Variants in SYCN observed in about 807,000 individuals in gnomAD.
SYCN encodes the protein syncollin.
In SYCN, 16 loss-of-function variants were observed where a neutral mutation model predicts 12.6. The ratio of observed to expected loss-of-function variants is 1.27; its 90% CI spans 0.86 to 1.92. The LOEUF (loss-of-function observed/expected upper bound fraction) is 1.92. SYCN is among the 30% of genes most tolerant of loss of function. SYCN has a pLI of 0.00. For missense variants in SYCN, 226 were observed against 181.8 expected (o/e 1.24, Z -1.40); for synonymous variants, 97 against 88.4 (o/e 1.10, Z -0.55).
chr19:39,203,079 G>A (rs2074795297), intron 1 of SYCN, 83 bp from the exon 2 acceptor site: 3 of 1,456,782 alleles, frequency 2.1e-6, no homozygotes, highest in South Asian at 1.2e-5. Flanking sequence ...ACTGGGTGGG[G>A]GCTGGGGAGT....
At chr19:39,203,077 G>A in intron 1 of SYCN, 81 bp from the exon 2 acceptor site, 1 of 1,469,924 alleles carries the variant, frequency 6.8e-7, no homozygotes, top group Non-Finnish European at 9.3e-7. Context: ...AGACTGGGTG[G>A]GGGCTGGGGA....
At position 39,203,918 on chromosome 19, in the gene SYCN, C is replaced by T; in HGVS notation, c.337G>A (p.Glu113Lys). 1 of 1,611,876 alleles carries T rather than the reference C, an allele frequency of 6.2e-7. No homozygotes were observed. The highest frequency in any genetic ancestry group is 8.5e-7 in the Non-Finnish European group (1 of 1,179,056). The change falls in exon 1 of 2, where the codon GAG becomes AAG. Residue 113 changes from glutamate (E) to lysine (K), a missense_variant. Coordinates refer to ENST00000318438, the MANE Select transcript of SYCN (RefSeq NM_001080468.4). ...FSAGTYPRLE[E>K]YRRGILGDWS... is the part of the protein sequence containing the mutation. ...TCTCCTAAGATGCCCCGGCGGTACT[C>T]CTCCAGGCGCGGGTAGGTGCCGGCA...
Position 39,203,963 on chromosome 19 carries a change from C to G in SYCN, c.292G>C (p.Gly98Arg). 1.2e-6 allele frequency: 2 copies of G among 1,609,338 alleles called. No homozygotes were observed. The highest frequency in any genetic ancestry group is 1.7e-6 in the Non-Finnish European group (2 of 1,178,086). The change falls in exon 1 of 2, where the codon GGC becomes CGC. Residue 98 changes from glycine (G) to arginine (R), a missense_variant. Coordinates refer to ENST00000318438, the MANE Select transcript of SYCN (RefSeq NM_001080468.4). The part of the protein sequence containing the change: ...LTVWSRQGKA[G>R]KTHKFSAGTY... Reference sequence around the variant, plus strand: ...CCGGCAGAGAACTTGTGCGTCTTGCCCGCCTTGCCTTGCCGGGACCACACG... The same window carrying G: ...CCGGCAGAGAACTTGTGCGTCTTGCGCGCCTTGCCTTGCCGGGACCACACG...
At chr19:39,203,797 G>C (rs1184305639) in intron 1 of SYCN, 63 bp downstream of exon 1, 10 of 1,508,360 alleles carry the variant, frequency 6.6e-6, no homozygotes, top group African/African-American at 4.2e-5. Flanking sequence ...GGTGGGTGTG[G>C]GGGCTTATGC....
In SYCN at chr19:39,203,972, C is replaced by T. The variant is rs2074799522; in HGVS notation, c.283G>A (p.Gly95Ser). 6.2e-7 allele frequency: 1 copy of T among 1,609,526 alleles called. No individual in the cohort carries two copies. Among genetic ancestry groups the T allele is most frequent in the Admixed American group, 1.7e-5 (1 of 59,226 alleles). ...RCELTVWSRQ[G>S]KAGKTHKFSA... ...AACTTGTGCGTCTTGCCCGCCTTGC[C>T]TTGCCGGGACCACACGGTGAGCTCG... Residue 95 changes from glycine (G) to serine (S), a missense_variant, in exon 1 of 2, where the codon GGC becomes AGC. Transcript: ENST00000318438.
intron 1 of SYCN, 44 bp downstream of exon 1, chr19:39,203,816 G>A: frequency 6.5e-7 from 1 of 1,541,502 alleles, no homozygotes; most frequent in Non-Finnish European, 8.8e-7. Context: ...GCGGAGCTGG[G>A]GCCTGGGCCT....
chr19:39,203,517 C>T (rs920639307), intron 1 of SYCN, among the ~76,000 whole-genome samples: 1 of 151,914 alleles, frequency 6.6e-6, no homozygotes, highest in South Asian at 2.1e-4. Context: ...CCAGCCCTCT[C>T]TGGGAAGTAC....
At chr19:39,203,091 T>C in intron 1 of SYCN, 95 bp from the exon 2 acceptor site, 2 of 1,345,768 alleles carry the variant, frequency 1.5e-6, no homozygotes, top group Non-Finnish European at 2.1e-6. Context: ...CTGGGGAGTC[T>C]GGGTCTGAGG....
rs1319086833 is a variant in SYCN at position 39,203,928 on chromosome 19, C to A, written c.327G>T (p.Pro109=). ...TGCCCCGGCGGTACTCCTCCAGGCGCGGGTAGGTGCCGGCAGAGAACTTGT... is the reference window on the plus strand; with the variant it reads ...TGCCCCGGCGGTACTCCTCCAGGCGAGGGTAGGTGCCGGCAGAGAACTTGT... The part of the protein sequence containing the change: ...KTHKFSAGTY[P]RLEEYRRGIL... The change falls in exon 1 of 2, where the codon CCG becomes CCT. Residue 109 remains proline, a synonymous_variant. Transcript: ENST00000318438. 13 of 1,611,120 alleles carry A rather than the reference C, an allele frequency of 8.1e-6. No homozygotes were observed. The East Asian group carries it at 2.9e-4, about 36-fold the overall frequency.
At position 39,204,026 on chromosome 19, in the gene SYCN, C is replaced by T. The variant is rs1371324343; in HGVS notation, c.229G>A (p.Ala77Thr). ...PYLPSNWANT[A>T]SSLVVAPRCE... ...CGCGGGGCCACCACAAGTGAGGAGGCGGTGTTGGCCCAGTTGGAGGGCAGG... is the reference window on the plus strand; with the variant it reads ...CGCGGGGCCACCACAAGTGAGGAGGTGGTGTTGGCCCAGTTGGAGGGCAGG... Residue 77 changes from alanine (A) to threonine (T), a missense_variant, in exon 1 of 2, where the codon GCC becomes ACC. Physicochemically the swap from Ala to Thr is moderately conservative, Grantham distance 58. Coordinates refer to ENST00000318438, the MANE Select transcript of SYCN (RefSeq NM_001080468.4). 2 of 1,611,838 alleles carry T rather than the reference C, an allele frequency of 1.2e-6. No homozygotes were observed.
chr19:39,203,097 T>A, intron 1 of SYCN, 101 bp from the exon 2 acceptor site: 1 of 1,281,284 alleles, frequency 7.8e-7, no homozygotes, highest in Non-Finnish European at 1.1e-6. Context: ...AGTCTGGGTC[T>A]GAGGCTCCAA....
In SYCN at chr19:39,204,203, A is replaced by C. The variant is rs1465256472; in HGVS notation, c.52T>G (p.Cys18Gly). The C allele has an allele frequency of 6.2e-7, 1 of 1,608,636 alleles. No homozygotes were observed. Among genetic ancestry groups the C allele is most frequent in the East Asian group, 2.2e-5 (1 of 44,848 alleles). ...LLALALASVP[C>G]AQGACPASAD... ...GAGGCGGGGCAGGCGCCCTGGGCGC[A>C]AGGCACGGAGGCAAGGGCCAGGGCC... The change falls in exon 1 of 2, where the codon TGC becomes GGC. Residue 18 changes from cysteine to glycine, a missense_variant. Cys to Gly is a radical substitution (Grantham distance 159). Transcript: ENST00000318438.
In SYCN at chr19:39,204,009, C is replaced by T; in HGVS notation, c.246G>A (p.Val82=). 1.2e-6 allele frequency: 2 copies of T among 1,611,246 alleles called. No homozygotes were observed. Among genetic ancestry groups the T allele is most frequent in the Admixed American group, 1.7e-5 (1 of 59,572 alleles). The change falls in exon 1 of 2, where the codon GTG becomes GTA. Residue 82 remains valine (V), a synonymous_variant. Coordinates refer to ENST00000318438, the MANE Select transcript of SYCN (RefSeq NM_001080468.4). The stretch of plus-strand genomic sequence containing the variant: ...ACACGGTGAGCTCGCAGCGCGGGGC[C>T]ACCACAAGTGAGGAGGCGGTGTTGG... ...NWANTASSLV[V]APRCELTVWS...
At position 39,204,165 on chromosome 19, in the gene SYCN, C is replaced by T. The variant is rs1015360011; in HGVS notation, c.90G>A (p.Lys30=). 4.3e-6 allele frequency: 7 copies of T among 1,612,242 alleles called. No individual in the cohort carries two copies. The African/African-American group carries it at 9.3e-5, about 22-fold the overall frequency. The change falls in exon 1 of 2, where the codon AAG becomes AAA. Residue 30 remains lysine (K), a synonymous_variant. Coordinates refer to ENST00000318438, the MANE Select transcript of SYCN (RefSeq NM_001080468.4). The part of the protein sequence containing the change: ...QGACPASADL[K]HSDGTRTCAK... ...CGCAAGTGCGCGTCCCGTCCGAGTG[C>T]TTGAGGTCGGCGGAGGCGGGGCAGG...
chr19:39,203,960 T>C lies in SYCN; in HGVS notation c.295A>G (p.Lys99Glu), dbSNP rs2074799377. Reference protein sequence around the residue: ...TVWSRQGKAGKTHKFSAGTYP... With the variant: ...TVWSRQGKAGETHKFSAGTYP... The stretch of plus-strand genomic sequence containing the variant: ...GTGCCGGCAGAGAACTTGTGCGTCT[T>C]GCCCGCCTTGCCTTGCCGGGACCAC... The change falls in exon 1 of 2, where the codon AAG becomes GAG. Residue 99 changes from lysine (K) to glutamate (E), a missense_variant. Physicochemically the swap from Lys to Glu is moderately conservative, Grantham distance 56. Transcript: ENST00000318438. 7 of 1,609,052 alleles carry C rather than the reference T, an allele frequency of 4.4e-6. No homozygotes were observed. Among genetic ancestry groups the C allele is most frequent in the African/African-American group, 1.3e-5 (1 of 74,944 alleles).
In SYCN at chr19:39,202,970, G is replaced by A. The variant is rs1176665472; in HGVS notation, c.*17C>T. 2.5e-6 allele frequency: 4 copies of A among 1,581,146 alleles called. No individual in the cohort carries two copies. Among genetic ancestry groups the A allele is most frequent in the Non-Finnish European group, 3.4e-6 (4 of 1,164,502 alleles). ...TTGGCACTCTGTGGAAGCTGCAGAT[G>A]AGAGACCAGCAATGCATCAGCTGCA... On this transcript the variant is annotated 3_prime_UTR_variant, in exon 2 of 2. Transcript: ENST00000318438.
Position 39,204,233 on chromosome 19 carries a change from G to T in SYCN, c.22C>A (p.Leu8Met), listed in dbSNP as rs1330843537. 2.5e-6 allele frequency: 4 copies of T among 1,575,328 alleles called. No individual in the cohort carries two copies. In the African/African-American group the frequency reaches 4.0e-5, roughly 16 times the overall value. The stretch of plus-strand genomic sequence containing the variant: ...ACGGAGGCAAGGGCCAGGGCCAGCA[G>T]CAGCGGGCGCAGCGGGGACATGGTG... MSPLRPL[L>M]LALALASVPC... Residue 8 changes from leucine to methionine, a missense_variant, in exon 1 of 2, where the codon CTG (leucine) becomes ATG (methionine). By Grantham distance (15) the Leu-to-Met change is conservative. Transcript: ENST00000318438.
chr19:39,202,851 A>T lies in SYCN; in HGVS notation c.*136T>A. ...ACGGGGACAACTGCACAAAGGCTGT[A>T]TTGCAGGGGAGGTGGGAGGGGGCAG... On this transcript the variant is annotated 3_prime_UTR_variant, in exon 2 of 2. Coordinates refer to ENST00000318438, the MANE Select transcript of SYCN (RefSeq NM_001080468.4). The T allele has an allele frequency of 1.2e-6, 1 of 845,266 alleles. No individual in the cohort carries two copies. The highest frequency in any genetic ancestry group is 1.5e-5 in the South Asian group (1 of 66,062). 52.4% of individuals were successfully genotyped at this position (845,266 alleles called of 1,614,324 possible). A position where few individuals can be genotyped will look rare whatever the true frequency, so the allele number is the denominator to read the frequency against.
Position 39,203,876 on chromosome 19 carries a change from A to G in SYCN, c.379T>C (p.Ser127Pro), listed in dbSNP as rs1378004193. ...GCCGGGCACCTGCAGTAGAGCGCGGAGATAGCGTTGGACCAGTCTCCTAAG... is the reference window on the plus strand; with the variant it reads ...GCCGGGCACCTGCAGTAGAGCGCGGGGATAGCGTTGGACCAGTCTCCTAAG... ...GILGDWSNAI[S>P]ALYCRCS is the part of the protein sequence containing the mutation. The change falls in exon 1 of 2, where the codon TCC (serine) becomes CCC (proline). Residue 127 changes from serine to proline, a missense_variant. Ser to Pro is a moderately conservative substitution (Grantham distance 74, BLOSUM62 -1). Coordinates refer to ENST00000318438, the MANE Select transcript of SYCN (RefSeq NM_001080468.4). 1.9e-6 allele frequency: 3 copies of G among 1,599,828 alleles called. No individual in the cohort carries two copies. Among genetic ancestry groups the G allele is most frequent in the Non-Finnish European group, 2.6e-6 (3 of 1,170,996 alleles).
Sources: allele counts gnomAD v4.1 joint callset (sites outside exome capture counted in the v4.1 genomes callset), GRCh38; gene constraint gnomAD v4.1.1; transcripts MANE v1.5; gene names NCBI Gene and HGNC (gene_info 2026-07-23, HGNC 2026-07-21).